DUSP15: variants seen among roughly 807,000 people sequenced by gnomAD.
DUSP15 encodes the protein dual specificity phosphatase 15, also known as dual specificity protein phosphatase 15.
In DUSP15, 23 loss-of-function variants were observed where a neutral mutation model predicts 26.3. The ratio of observed to expected loss-of-function variants is 0.87; its 90% CI spans 0.63 to 1.24. The LOEUF is 1.24. Among genes scored for constraint, DUSP15 ranks in the 50% most tolerant of loss-of-function variants. The pLI is 0.00. For synonymous variants in DUSP15, 143 were observed against 135.5 expected (o/e 1.06, Z -0.39); for missense variants, 364 against 320.6 (o/e 1.14, Z -1.03).
rs554506434 is a variant in DUSP15 at position 31,848,766 on chromosome 20, G to A, written c.726+40C>T. On this transcript the variant is annotated intron_variant, in intron 9 of 9. Coordinates refer to the DUSP15 transcript ENST00000278979. ...GGGAAGGGCTGTCTGGAGGGGACTG[G>A]AGGGCGTGCTTCTTGGCTGGAGTGG... 1.4e-5 allele frequency: 22 copies of A among 1,583,540 alleles called. No homozygotes were observed. The African/African-American group carries it at 2.8e-4, about 20-fold the overall frequency.
intron 6 of DUSP15, among the ~76,000 whole-genome samples, chr20:31,851,279 C>T (rs1034847515): frequency 1.3e-5 from 2 of 150,610 alleles, no homozygotes; most frequent in African/African-American, 2.4e-5. Flanking sequence ...GATGCTGATG[C>T]GGGGGTGGGG....
intron 6 of DUSP15, among the ~76,000 whole-genome samples, chr20:31,854,094 C>T (rs2062519061): frequency 6.6e-6 from 1 of 152,118 alleles, no homozygotes; most frequent in Admixed American, 6.5e-5. Context: ...AAAGAGGAGG[C>T]CATCAGGAGA....
intron 7 of DUSP15, among the ~76,000 whole-genome samples, chr20:31,850,141 A>C (rs2062444342): frequency 1.3e-5 from 2 of 152,240 alleles, no homozygotes; most frequent in South Asian, 4.1e-4. Context: ...CCCTCCCAGC[A>C]AATCTTCTGG....
chr20:31,867,612 G>A (rs2062795671), intron 2 of DUSP15, among the ~76,000 whole-genome samples: 1 of 142,946 alleles, frequency 7.0e-6, no homozygotes, highest in Non-Finnish European at 1.5e-5. Flanking sequence ...ATATGCTGAT[G>A]TGCAATGATG....
At chr20:31,852,829 T>C (rs1183130366) in intron 6 of DUSP15, among the ~76,000 whole-genome samples, 1 of 151,998 alleles carries the variant, frequency 6.6e-6, no homozygotes, top group African/African-American at 2.4e-5. Context: ...AAAAAAGAAC[T>C]TGGAGGCGTC....
chr20:31,847,880 G>T (rs1264768497), exon 10 of DUSP15: 2 of 152,276 alleles, frequency 1.3e-5, no homozygotes, highest in African/African-American at 4.8e-5. Context: ...AAAGCCCAGG[G>T]TTCGGCCAAG....
At chr20:31,848,156 T>G (rs1343167110) in exon 10 of DUSP15, 4 of 491,838 alleles carry the variant, frequency 8.1e-6, no homozygotes, top group Non-Finnish European at 1.4e-5. Flanking sequence ...GTCTTGCTTC[T>G]GCTCCAGTTG....
intron 3 of DUSP15, among the ~76,000 whole-genome samples, chr20:31,865,346 T>C (rs1009044461): frequency 6.6e-6 from 1 of 152,056 alleles, no homozygotes; most frequent in African/African-American, 2.4e-5. Flanking sequence ...CAAAATTACA[T>C]CGTAAAAAAG....
At chr20:31,869,423 G>T (rs1349883691) in intron 2 of DUSP15, 141 bp downstream of exon 2, 1 of 1,157,680 alleles carries the variant, frequency 8.6e-7, no homozygotes, top group East Asian at 2.6e-5. Context: ...TCCTCCATCA[G>T]CCTTTTCCCC....
chr20:31,866,178 C>G (rs896401250), intron 3 of DUSP15, among the ~76,000 whole-genome samples: 2 of 152,134 alleles, frequency 1.3e-5, no homozygotes, highest in East Asian at 1.9e-4. Flanking sequence ...ATGGCAGAAC[C>G]GGGTCTTCAT....
At chr20:31,861,053 C>A, downstream of DUSP15, 2 of 1,098,432 alleles carry the variant, frequency 1.8e-6, no homozygotes, top group Non-Finnish European at 2.2e-6. Flanking sequence ...TGTTGAATGA[C>A]TGGGAGGCAC....
rs2062690567 is a variant in DUSP15, at chr20:31,862,830, C to A, written c.264-88G>T. ...ACCCCACCCTGCTTCAACTCCCCCACCCTTGCCTCCTGAGCTCCAACCATA... is the reference window on the plus strand; with the variant it reads ...ACCCCACCCTGCTTCAACTCCCCCAACCTTGCCTCCTGAGCTCCAACCATA... On this transcript the variant is annotated intron_variant, in intron 5 of 6. Transcript: ENST00000339738. The A allele has an allele frequency of 5.1e-6, 7 of 1,359,524 alleles. No homozygotes were observed. The East Asian group carries it at 1.8e-4, about 35-fold the overall frequency. The allele number at this position is 1,359,524 out of a possible 1,614,324, so 84.2% of individuals were successfully genotyped here.
At position 31,865,017 on chromosome 20, in the gene DUSP15, TAC is replaced by T; in HGVS notation, c.139-17_139-16del. The T allele has an allele frequency of 6.2e-7, 1 of 1,613,900 alleles. No individual in the cohort carries two copies. The highest frequency in any genetic ancestry group is 1.7e-5 in the Admixed American group (1 of 59,992). On this transcript the variant is annotated splice_polypyrimidine_tract_variant and intron_variant, in intron 3 of 6. Coordinates refer to ENST00000339738, the MANE Select transcript of DUSP15 (RefSeq NM_080611.5). ...TAGGTGATATCCTGCAAGTACAAAA[TAC>T]ACTCAGGCAGGGGACCTTGCCTGCA...
intron 8 of DUSP15, chr20:31,849,431 G>A: frequency 1.8e-6 from 1 of 543,450 alleles, no homozygotes; most frequent in Non-Finnish European, 3.5e-6. Flanking sequence ...CATCCCCCTG[G>A]GCCTGCATTT....
At chr20:31,864,442 A>G in intron 4 of DUSP15, 1 of 1,034,380 alleles carries the variant, frequency 9.7e-7, no homozygotes, top group Non-Finnish European at 1.2e-6. Flanking sequence ...TGCTGATGCC[A>G]CAAACAAAAA....
At position 31,861,586 on chromosome 20, in the gene DUSP15, G is replaced by C. The variant is rs1183028748; in HGVS notation, c.525C>G (p.Cys175Trp). ...LRALLPLCKR[C>W]RQGSATSASS... Reference sequence around the variant, plus strand: ...AGGCCGAGGTCGCGGAGCCCTGCCGGCAGCGCTTGCACAGCGGCAGCAGCG... The same window carrying C: ...AGGCCGAGGTCGCGGAGCCCTGCCGCCAGCGCTTGCACAGCGGCAGCAGCG... The change falls in exon 7 of 7, where the codon TGC becomes TGG. Residue 175 changes from cysteine (C) to tryptophan (W), a missense_variant. Cys to Trp is a radical substitution (Grantham distance 215). Transcript: ENST00000339738. 1 of 1,496,358 alleles carries C rather than the reference G, an allele frequency of 6.7e-7. No homozygotes were observed. The highest frequency in any genetic ancestry group is 2.8e-5 in the East Asian group (1 of 35,718). 92.7% of individuals were successfully genotyped at this position (1,496,358 alleles called of 1,614,324 possible).
In DUSP15 at chr20:31,867,157, A is replaced by T; in HGVS notation, c.56-4T>A. 6.3e-7 allele frequency: 1 copy of T among 1,580,240 alleles called. No homozygotes were observed. The highest frequency in any genetic ancestry group is 8.6e-7 in the Non-Finnish European group (1 of 1,161,978). ...AGCTGATCCAGGTCTTTGGCATCTG[A>T]AAGAAACAGGATGCTTGAGCCAATC... On this transcript the variant is annotated splice_region_variant and splice_polypyrimidine_tract_variant and intron_variant, in intron 2 of 6. Transcript: ENST00000339738.
At chr20:31,850,410 T>G (rs1215500513) in intron 7 of DUSP15, among the ~76,000 whole-genome samples, 1 of 152,142 alleles carries the variant, frequency 6.6e-6, no homozygotes. Flanking sequence ...AAAATGGGAA[T>G]AATAGCAGCA....
At chr20:31,859,689 G>C (rs534569687), downstream of DUSP15, among the ~76,000 whole-genome samples, 2 of 152,066 alleles carry the variant, frequency 1.3e-5, no homozygotes, top group African/African-American at 4.8e-5. Context: ...ACAGGGTCTC[G>C]CTCTGTCACC....
Sources: gnomAD v4.1 joint callset for allele counts (sites outside exome capture counted in the v4.1 genomes callset) on GRCh38, gnomAD v4.1.1 for gene constraint, MANE v1.5 for transcripts, NCBI Gene and HGNC (gene_info 2026-07-23, HGNC 2026-07-21) for gene names.